PTPRD: variants seen among roughly 807,000 people sequenced by gnomAD.
The protein encoded by PTPRD is receptor-type tyrosine-protein phosphatase delta.
A neutral mutation model predicts 214.5 loss-of-function variants in PTPRD; 34 were observed. The ratio of observed to expected loss-of-function variants is 0.16; its 90% CI spans 0.12 to 0.21. The LOEUF (loss-of-function observed/expected upper bound fraction) is 0.21, where lower values mean the gene tolerates loss of function less well. PTPRD is among the 10% of genes least tolerant of loss of function. PTPRD has a pLI of 1.00. For synonymous variants in PTPRD, 1,128 were observed against 845.7 expected, an observed-to-expected ratio of 1.33 and a Z score of -5.79; for missense variants, 2,545 against 2,398.7, an observed-to-expected ratio of 1.06 and a Z score of -1.27.
rs1386869389 is a variant in PTPRD at position 9,949,930 on chromosome 9, G to T, written c.-471-11320C>A. Among the ~76,000 whole-genome samples the T allele has an allele frequency of 2.6e-5, 4 of 152,114 alleles. No individual in the cohort carries two copies. In the East Asian group the frequency reaches 7.7e-4, roughly 29 times the overall value. On this transcript the variant is annotated intron_variant, in intron 4 of 45. Transcript: ENST00000381196. ...TATTATCAAAAAATTTGTTTGTAGG[G>T]TCAATAAATTTCCATTTTTCTGTAA...
intron 10 of PTPRD, among the ~76,000 whole-genome samples, chr9:9,130,290 T>C (rs1355575545): frequency 1.3e-5 from 2 of 152,138 alleles, no homozygotes; most frequent in East Asian, 1.9e-4. Context: ...CTATGAAAAT[T>C]TGGGCATTTA....
intron 4 of PTPRD, among the ~76,000 whole-genome samples, chr9:9,952,728 G>A (rs2093567588): frequency 6.6e-6 from 1 of 152,120 alleles, no homozygotes; most frequent in Middle Eastern, 3.4e-3. Context: ...TTTAAAAGAT[G>A]GTTAGAACTA....
intron 9 of PTPRD, among the ~76,000 whole-genome samples, chr9:9,304,411 T>A (rs1457174009): frequency 6.6e-6 from 1 of 152,086 alleles, no homozygotes; most frequent in Non-Finnish European, 1.5e-5. Context: ...GAGTTCTTTT[T>A]TAATCTTTGT....
At chr9:10,382,475 G>T (rs568492818) in intron 2 of PTPRD, among the ~76,000 whole-genome samples, 4 of 151,788 alleles carry the variant, frequency 2.6e-5, no homozygotes. Flanking sequence ...ACATTACCTC[G>T]TCTATGAAGA....
chr9:10,086,323 A>G (rs969118020), intron 3 of PTPRD, among the ~76,000 whole-genome samples: 8 of 151,750 alleles, frequency 5.3e-5, no homozygotes, highest in African/African-American at 1.9e-4. Flanking sequence ...GTTTCCTTAC[A>G]GTGCCGTAAA....
chr9:10,546,510 T>C (rs1302237737), intron 2 of PTPRD, among the ~76,000 whole-genome samples: 1 of 151,830 alleles, frequency 6.6e-6, no homozygotes, highest in Non-Finnish European at 1.5e-5. Flanking sequence ...TTTTTAATTT[T>C]ACATATTTTC....
intron 11 of PTPRD, among the ~76,000 whole-genome samples, chr9:8,820,172 A>G (rs2097021772): frequency 6.6e-6 from 1 of 152,188 alleles, no homozygotes; most frequent in African/African-American, 2.4e-5. Context: ...AAATATATGC[A>G]TATCTGTAGC....
intron 10 of PTPRD, among the ~76,000 whole-genome samples, chr9:9,140,602 G>A (rs1012382483): frequency 6.6e-5 from 10 of 151,884 alleles, no homozygotes; most frequent in Non-Finnish European, 1.3e-4. Context: ...TTTTTGAGAC[G>A]GAGTCTCGCT....
chr9:9,447,649 C>G (rs144710486), intron 8 of PTPRD, among the ~76,000 whole-genome samples: 1 of 152,146 alleles, frequency 6.6e-6, no homozygotes, highest in East Asian at 1.9e-4. Context: ...GAAACCTGCA[C>G]ATGTACCCCT....
chr9:9,255,790 A>C (rs1216949048), intron 9 of PTPRD, among the ~76,000 whole-genome samples: 3 of 152,112 alleles, frequency 2.0e-5, no homozygotes, highest in African/African-American at 7.2e-5. Context: ...AAGATCCGGG[A>C]CTTTTTTCAT....
chr9:8,637,711 A>G lies in PTPRD; in HGVS notation c.65-867T>C, dbSNP rs111947137. Among the ~76,000 whole-genome samples the G allele has an allele frequency of 2.7e-3, 411 of 152,354 alleles. 2 individuals carry two copies. Among genetic ancestry groups the G allele is most frequent in the African/African-American group, 9.5e-3 (394 of 41,596 alleles). On this transcript the variant is annotated intron_variant, in intron 12 of 45. Transcript: ENST00000381196. ...ATACTTATGCACAAAGATATTCATC[A>G]TATCATTTGTTTGGCAAAAGAGTAT...
intron 9 of PTPRD, among the ~76,000 whole-genome samples, chr9:9,193,909 CTT>C (rs2099936728): frequency 1.3e-5 from 2 of 152,136 alleles, no homozygotes; most frequent in Admixed American, 6.6e-5. Context: ...ATTACTGTAA[CTT>C]TTCTACTTTA....
intron 4 of PTPRD, among the ~76,000 whole-genome samples, chr9:10,004,356 C>T (rs937681420): frequency 6.6e-6 from 1 of 151,846 alleles, no homozygotes; most frequent in Non-Finnish European, 1.5e-5. Flanking sequence ...TTTCAAAAAA[C>T]TATTTATTGA....
At chr9:9,125,354 A>G (rs112010133) in intron 10 of PTPRD, among the ~76,000 whole-genome samples, 1 of 152,186 alleles carries the variant, frequency 6.6e-6, no homozygotes, top group Non-Finnish European at 1.5e-5. Context: ...GTCAAGACAT[A>G]CTGTGAGAAT....
intron 10 of PTPRD, among the ~76,000 whole-genome samples, chr9:9,160,353 T>C (rs953732672): frequency 3.3e-5 from 5 of 152,006 alleles, no homozygotes; most frequent in Non-Finnish European, 5.9e-5. Context: ...ACAAATAACC[T>C]GATTAAAAAT....
intron 3 of PTPRD, among the ~76,000 whole-genome samples, chr9:10,127,575 G>A (rs1290985041): frequency 1.3e-5 from 2 of 152,028 alleles, no homozygotes; most frequent in Non-Finnish European, 2.9e-5. Context: ...ACTTGGAATG[G>A]AATGGAAATT....
chr9:9,127,588 G>C (rs1482498594), intron 10 of PTPRD, among the ~76,000 whole-genome samples: 2 of 152,116 alleles, frequency 1.3e-5, no homozygotes, highest in Non-Finnish European at 2.9e-5. Flanking sequence ...GTAAAGACTA[G>C]TCCAAAGTTC....
chr9:9,237,647 A>T (rs533925753), intron 9 of PTPRD, among the ~76,000 whole-genome samples: 1 of 152,090 alleles, frequency 6.6e-6, no homozygotes, highest in Non-Finnish European at 1.5e-5. Context: ...TTTTTTTTTA[A>T]GAGCTCCATG....
intron 2 of PTPRD, among the ~76,000 whole-genome samples, chr9:10,577,468 G>C (rs1246260662): frequency 6.6e-6 from 1 of 152,142 alleles, no homozygotes; most frequent in African/African-American, 2.4e-5. Flanking sequence ...ATATTGACTG[G>C]ATCATGTCTT....
Sources: allele counts gnomAD v4.1 joint callset (sites outside exome capture counted in the v4.1 genomes callset), GRCh38; gene constraint gnomAD v4.1.1; transcripts MANE v1.5; gene names NCBI Gene and HGNC (gene_info 2026-07-23, HGNC 2026-07-21).